The following SLC37A1 variants were observed in gnomAD, a reference collection of about 807,000 sequenced individuals.
SLC37A1 encodes glucose-6-phosphate exchanger SLC37A1.
In SLC37A1, 49 loss-of-function variants were observed where a neutral mutation model predicts 75.3. The ratio of observed to expected loss-of-function variants is 0.65; its 90% CI spans 0.52 to 0.83. SLC37A1 has a LOEUF of 0.83. Among genes scored for constraint, SLC37A1 ranks in the 40% least tolerant of loss-of-function variants. SLC37A1 has a pLI of 0.00. For synonymous variants in SLC37A1, 268 were observed against 292.1 expected, an observed-to-expected ratio of 0.92 and a Z score of 0.84; for missense variants, 566 against 695.0, an observed-to-expected ratio of 0.81 and a Z score of 2.09.
chr21:42,517,031 G>A (rs867192917), intron 1 of SLC37A1, among the ~76,000 whole-genome samples: 33 of 152,210 alleles, frequency 2.2e-4, no homozygotes, highest in African/African-American at 7.2e-5. Flanking sequence ...TCTTGAGCAC[G>A]TGGTCTGTGC....
chr21:42,543,838 C>T (rs2055343946), intron 8 of SLC37A1, among the ~76,000 whole-genome samples: 1 of 152,232 alleles, frequency 6.6e-6, no homozygotes, highest in East Asian at 1.9e-4. Flanking sequence ...TTCCTTCCTC[C>T]CGTCCTCCTG....
At chr21:42,502,744 T>A (rs780449246) in intron 2 of SLC37A1, 1 of 152,006 alleles carries the variant, frequency 6.6e-6, no homozygotes, top group Non-Finnish European at 1.5e-5. Context: ...TCTTACCATC[T>A]CTCTGGTTGT....
intron 9 of SLC37A1, among the ~76,000 whole-genome samples, chr21:42,551,861 T>C (rs2055567438): frequency 1.3e-5 from 2 of 152,156 alleles, no homozygotes; most frequent in African/African-American, 4.8e-5. Flanking sequence ...TATTCTCCTT[T>C]GAATTGCTTT....
chr21:42,575,956 A>G (rs1232821625), intron 18 of SLC37A1: 1 of 984,968 alleles, frequency 1.0e-6, no homozygotes, highest in East Asian at 1.1e-4. Context: ...ACAACTGTTC[A>G]GAGAATCTGA....
intron 18 of SLC37A1, chr21:42,575,444 G>T (rs1476010131): frequency 1.0e-6 from 1 of 985,366 alleles, no homozygotes; most frequent in African/African-American, 1.7e-5. Context: ...GAGGTTGCCA[G>T]TGCAGACACT....
At chr21:42,502,933 A>G (rs1444778048) in intron 2 of SLC37A1, 1 of 152,244 alleles carries the variant, frequency 6.6e-6, no homozygotes, top group African/African-American at 2.4e-5. Flanking sequence ...TATAATGAAG[A>G]AAATAAAGAA....
intron 7 of SLC37A1, 87 bp downstream of exon 7, chr21:42,542,567 A>C (rs1206426057): frequency 4.0e-5 from 50 of 1,257,850 alleles, no homozygotes; most frequent in Non-Finnish European, 5.3e-5. Context: ...TACAGCAAAA[A>C]CACTTTAGTA....
intron 2 of SLC37A1, 109 bp downstream of exon 2, chr21:42,518,619 T>A (rs2054570226): frequency 8.3e-7 from 1 of 1,211,142 alleles, no homozygotes; most frequent in Non-Finnish European, 1.2e-6. Flanking sequence ...AAAACTTGAA[T>A]CACTGACCTC....
chr21:42,530,490 T>C (rs2054920515), intron 3 of SLC37A1, among the ~76,000 whole-genome samples: 1 of 152,138 alleles, frequency 6.6e-6, no homozygotes, highest in Admixed American at 6.5e-5. Flanking sequence ...TGGAGAATTC[T>C]TGTAGCCTTA....
rs2055384581 is a variant in SLC37A1 at position 42,545,473 on chromosome 21, GCGGTCAACAGAGGATGTGGCT to G, written c.731-1629_731-1609del. ...TAAAGGCATCAGATGTGCCATTCTT[GCGGTCAACAGAGGATGTGGCT>G]TTCTCTGCTGCTCCTTCACTCTTGT... On this transcript the variant is annotated intron_variant, in intron 8 of 19. Coordinates refer to ENST00000352133, the MANE Select transcript of SLC37A1 (RefSeq NM_001320537.2). The surrounding 1 kb of genome is among the most constrained non-coding windows in gnomAD (Gnocchi z 4.0). Among the ~76,000 whole-genome samples, 1 of 152,130 alleles carries G rather than the reference GCGGTCAACAGAGGATGTGGCT, an allele frequency of 6.6e-6. No homozygotes were observed. The highest frequency in any genetic ancestry group is 6.5e-5 in the Admixed American group (1 of 15,276).
chr21:42,568,085 G>A (rs1015332517), intron 16 of SLC37A1, among the ~76,000 whole-genome samples: 4 of 152,256 alleles, frequency 2.6e-5, no homozygotes, highest in African/African-American at 7.2e-5. Flanking sequence ...GGGGCCTCAG[G>A]GAGGAGCAGG....
At chr21:42,511,018 T>C (rs2054427852), upstream of SLC37A1, among the ~76,000 whole-genome samples, 1 of 152,178 alleles carries the variant, frequency 6.6e-6, no homozygotes, top group East Asian at 1.9e-4. Context: ...TACAGAACAC[T>C]CCTTCCCCCA....
At chr21:42,570,097 T>TGTGAGAAG in intron 17 of SLC37A1, among the ~76,000 whole-genome samples, 2 of 105,300 alleles carry the variant, frequency 1.9e-5, no homozygotes, top group Admixed American at 2.1e-4. Flanking sequence ...ACGGCCTGGT[T>TGTGAGAAG]CTGAGAAGTG....
upstream of SLC37A1, among the ~76,000 whole-genome samples, chr21:42,510,590 T>TA (rs767839111): frequency 9.5e-3 from 1,394 of 146,188 alleles, 26 homozygotes; most frequent in African/African-American, 0.032. Flanking sequence ...GAATGGATAT[T>TA]AAAAAAAAAA....
chr21:42,546,024 C>T (rs1416984164), intron 8 of SLC37A1, among the ~76,000 whole-genome samples: 1 of 152,196 alleles, frequency 6.6e-6, no homozygotes, highest in Non-Finnish European at 1.5e-5. Flanking sequence ...ATGATGTCAC[C>T]CTGTGTTGTA....
chr21:42,557,181 T>G (rs2055712037), intron 10 of SLC37A1, among the ~76,000 whole-genome samples: 1 of 152,244 alleles, frequency 6.6e-6, no homozygotes, highest in Non-Finnish European at 1.5e-5. Flanking sequence ...TTTCTCCAGC[T>G]GGCTGCATTT....
At chr21:42,529,179 T>C (rs1001910738) in intron 3 of SLC37A1, among the ~76,000 whole-genome samples, 2 of 152,216 alleles carry the variant, frequency 1.3e-5, no homozygotes, top group Non-Finnish European at 2.9e-5. Context: ...TTAGAAAATA[T>C]GGAATATTTG....
intron 2 of SLC37A1, among the ~76,000 whole-genome samples, chr21:42,524,215 T>C (rs550236852): frequency 6.6e-6 from 1 of 152,296 alleles, no homozygotes; most frequent in South Asian, 2.1e-4. Flanking sequence ...TAGGGAGATG[T>C]GCCTAGGACA....
chr21:42,580,303 T>C lies in SLC37A1; in HGVS notation c.1587-42T>C, dbSNP rs771230706. On this transcript the variant is annotated intron_variant, in intron 19 of 19. Coordinates refer to ENST00000352133, the MANE Select transcript of SLC37A1 (RefSeq NM_001320537.2). The stretch of plus-strand genomic sequence containing the variant: ...AGTTCAGCATCTCTTGCTGAGCCAC[T>C]GCTGGCTGTTAGAGCAGCTCTTCTT... The C allele has an allele frequency of 6.3e-5, 101 of 1,605,322 alleles. No homozygotes were observed. The Admixed American group carries it at 1.7e-3, about 26-fold the overall frequency.
Sources: gnomAD v4.1 joint callset for allele counts (sites outside exome capture counted in the v4.1 genomes callset) on GRCh38, gnomAD v4.1.1 for gene constraint, Gnocchi (gnomAD v3.1) non-coding constraint, MANE v1.5 for transcripts, NCBI Gene and HGNC (gene_info 2026-07-23, HGNC 2026-07-21) for gene names.